SIL1: variants seen among roughly 807,000 people sequenced by gnomAD.
SIL1 encodes nucleotide exchange factor SIL1.
A neutral mutation model predicts 49.1 loss-of-function variants in SIL1; 40 were observed. The observed-to-expected ratio is 0.81, with a 90% CI of 0.63 to 1.06. The LOEUF (loss-of-function observed/expected upper bound fraction) is 1.06. Ranked by LOEUF, SIL1 falls within the 50% of genes least tolerant of loss-of-function variation. The pLI, the probability that SIL1 is intolerant of heterozygous loss-of-function variation, is 0.00. For synonymous variants in SIL1, 253 were observed against 250.8 expected (o/e 1.01, Z -0.08); for missense variants, 500 against 572.6 (o/e 0.87, Z 1.29).
intron 7 of SIL1, among the ~76,000 whole-genome samples, chr5:139,004,203 GT>G (rs1249540599): frequency 1.3e-5 from 2 of 152,088 alleles, no homozygotes; most frequent in African/African-American, 4.8e-5. Flanking sequence ...GTCTTGTTAT[GT>G]TTCCCAGGCT....
rs139689097 is a variant in SIL1 at position 139,110,580 on chromosome 5, A to G, written c.244+10455T>C. ...ACTTATGAGTTTATGAATAATAACAAAACAAAACCCCCACATGAACAGAAA... is the reference window on the plus strand; with the variant it reads ...ACTTATGAGTTTATGAATAATAACAGAACAAAACCCCCACATGAACAGAAA... On this transcript the variant is annotated intron_variant, in intron 3 of 9. Coordinates refer to ENST00000394817, the MANE Select transcript of SIL1 (RefSeq NM_022464.5). 1.4e-3 allele frequency among the ~76,000 whole-genome samples: 212 copies of G among 152,346 alleles called. 6 individuals carry two copies. In the East Asian group the frequency reaches 0.032, roughly 23 times the overall value.
At chr5:139,027,070 C>G in intron 5 of SIL1, 78 bp from the exon 6 acceptor site, 1 of 1,403,306 alleles carries the variant, frequency 7.1e-7, no homozygotes, top group East Asian at 2.3e-5. Context: ...CATGGATGCC[C>G]ATCCTCAAAA....
At chr5:139,092,703 C>T (rs1473907082) in intron 3 of SIL1, among the ~76,000 whole-genome samples, 1 of 152,194 alleles carries the variant, frequency 6.6e-6, no homozygotes, top group African/African-American at 2.4e-5. Flanking sequence ...TGGAGAGTGC[C>T]AGGCACAAGG....
chr5:139,092,837 T>C (rs1561858925), intron 3 of SIL1, among the ~76,000 whole-genome samples: 1 of 152,214 alleles, frequency 6.6e-6, no homozygotes, highest in Non-Finnish European at 1.5e-5. Flanking sequence ...GAGGTTGCTA[T>C]GGTTTAAATG....
intron 3 of SIL1, among the ~76,000 whole-genome samples, chr5:139,065,938 C>T (rs1769695411): frequency 6.6e-6 from 1 of 152,366 alleles, no homozygotes; most frequent in East Asian, 1.9e-4. Flanking sequence ...CAAGTCATCT[C>T]TCTGATATCC....
intron 1 of SIL1, among the ~76,000 whole-genome samples, chr5:139,183,541 T>C (rs886128333): frequency 6.6e-6 from 1 of 152,184 alleles, no homozygotes; most frequent in African/African-American, 2.4e-5. Flanking sequence ...TGGAGGTGAA[T>C]ACCCTGGACA....
At chr5:139,015,916 T>C (rs1219798424) in intron 7 of SIL1, among the ~76,000 whole-genome samples, 2 of 152,010 alleles carry the variant, frequency 1.3e-5, no homozygotes, top group African/African-American at 2.4e-5. Flanking sequence ...ATTATCGAGG[T>C]TCCTTAGTAG....
chr5:138,959,796 G>A (rs1198431116), intron 7 of SIL1, among the ~76,000 whole-genome samples: 1 of 152,202 alleles, frequency 6.6e-6, no homozygotes, highest in African/African-American at 2.4e-5. Context: ...CAATGGGCCT[G>A]GCTGCCTCTG....
intron 1 of SIL1, among the ~76,000 whole-genome samples, chr5:139,141,875 C>T (rs1751086574): frequency 6.6e-6 from 1 of 152,180 alleles, no homozygotes; most frequent in South Asian, 2.1e-4. Flanking sequence ...CAGCACAGAA[C>T]CTACTCCCTT....
chr5:139,143,340 C>CATATATATATATATATATAT (rs1398396877), intron 1 of SIL1, among the ~76,000 whole-genome samples: 24 of 85,138 alleles, frequency 2.8e-4, no homozygotes, highest in African/African-American at 1.6e-3. Context: ...CACACACACA[C>CATATATATATATATATATAT]ACACATATAT....
At chr5:139,118,915 C>T (rs1377533136) in intron 3 of SIL1, among the ~76,000 whole-genome samples, 7 of 152,216 alleles carry the variant, frequency 4.6e-5, no homozygotes, top group African/African-American at 1.7e-4. Flanking sequence ...CTAACCTCCC[C>T]TCACCAGTCC....
chr5:139,078,957 C>G (rs1184671190), intron 3 of SIL1, among the ~76,000 whole-genome samples: 1 of 152,206 alleles, frequency 6.6e-6, no homozygotes, highest in Non-Finnish European at 1.5e-5. Context: ...CTGGCCCTTA[C>G]AGTAGCCCCT....
At chr5:139,094,624 G>C (rs1770415961) in intron 3 of SIL1, among the ~76,000 whole-genome samples, 1 of 152,202 alleles carries the variant, frequency 6.6e-6, no homozygotes, top group Admixed American at 6.5e-5. Context: ...TGATAATACA[G>C]AGAGTTCCTA....
intron 3 of SIL1, among the ~76,000 whole-genome samples, chr5:139,079,472 G>A (rs1366018521): frequency 1.3e-5 from 2 of 152,164 alleles, no homozygotes; most frequent in Admixed American, 6.5e-5. Context: ...AAAAGCTCAA[G>A]GGCCATCTCC....
intron 5 of SIL1, among the ~76,000 whole-genome samples, chr5:139,041,818 C>CAAAAAAAAAAAAA (rs536666463): frequency 1.2e-5 from 1 of 86,344 alleles, no homozygotes; most frequent in African/African-American, 3.6e-5. Context: ...AACTCAAAAA[C>CAAAAAAAAAAAAA]AAAAAAAAAA....
At chr5:139,042,564 CAA>C in intron 5 of SIL1, 54 bp downstream of exon 5, 7 of 1,438,310 alleles carry the variant, frequency 4.9e-6, no homozygotes, top group Non-Finnish European at 6.9e-6. Flanking sequence ...CCATTCTCTG[CAA>C]AGACAACAAG....
At chr5:138,995,164 G>C in intron 7 of SIL1, among the ~76,000 whole-genome samples, 1 of 152,140 alleles carries the variant, frequency 6.6e-6, no homozygotes, top group Non-Finnish European at 1.5e-5. Flanking sequence ...AGGCATGCAT[G>C]GGATACATGT....
intron 3 of SIL1, among the ~76,000 whole-genome samples, chr5:139,101,017 C>T (rs1448140760): frequency 6.6e-6 from 1 of 151,968 alleles, no homozygotes; most frequent in East Asian, 1.9e-4. Flanking sequence ...CAGAGAAGAG[C>T]AGAGGTCCAA....
At chr5:139,086,577 G>A (rs567132519) in intron 3 of SIL1, among the ~76,000 whole-genome samples, 21 of 151,728 alleles carry the variant, frequency 1.4e-4, no homozygotes, top group South Asian at 1.0e-3. Flanking sequence ...GGCTGGTCTC[G>A]AAATCCTAAC....
Sources: allele counts gnomAD v4.1 joint callset (sites outside exome capture counted in the v4.1 genomes callset), GRCh38; gene constraint gnomAD v4.1.1; transcripts MANE v1.5; gene names NCBI Gene and HGNC (gene_info 2026-07-23, HGNC 2026-07-21).